The following EXOC4 variants were observed in gnomAD, a reference collection of about 807,000 sequenced individuals.
The protein encoded by EXOC4 is SEC8-like 1.
In EXOC4, 71 loss-of-function variants were observed where a neutral mutation model predicts 107.2. That is an observed-to-expected ratio of 0.66 (90% CI 0.55 to 0.81). The LOEUF (loss-of-function observed/expected upper bound fraction) is 0.81, where lower values mean the gene tolerates loss of function less well. Among genes scored for constraint, EXOC4 ranks in the 30% least tolerant of loss-of-function variants. The pLI, the probability that EXOC4 is intolerant of heterozygous loss-of-function variation, is 0.00. For synonymous variants in EXOC4, 456 were observed against 441.2 expected, an observed-to-expected ratio of 1.03 and a Z score of -0.42; for missense variants, 1,108 against 1,189.6, an observed-to-expected ratio of 0.93 and a Z score of 1.01.
chr7:133,383,697 T>C (rs892466301), intron 7 of EXOC4, among the ~76,000 whole-genome samples: 6 of 152,198 alleles, frequency 3.9e-5, no homozygotes, highest in Admixed American at 3.9e-4. Flanking sequence ...CTGTCGACTT[T>C]GATATTTTGG....
In EXOC4 at chr7:133,374,920, T is replaced by C; in HGVS notation, c.1100T>C (p.Val367Ala). Reference protein sequence around the residue: ...SVVLGYLQDTVVTPLTQQEDI... With the variant: ...SVVLGYLQDTAVTPLTQQEDI... ...GTCCTGGGATACCTGCAGGACACTG[T>C]AGTGACTCCACTGACTCAGCAGGAA... Residue 367 changes from valine (V) to alanine (A), a missense_variant, in exon 7 of 18, where the codon GTA becomes GCA. Coordinates refer to ENST00000253861, the MANE Select transcript of EXOC4 (RefSeq NM_021807.4). 6.2e-7 allele frequency: 1 copy of C among 1,613,986 alleles called. No individual in the cohort carries two copies. The highest frequency in any genetic ancestry group is 8.5e-7 in the Non-Finnish European group (1 of 1,179,882).
At chr7:133,840,681 C>A (rs1798007820) in intron 11 of EXOC4, among the ~76,000 whole-genome samples, 1 of 151,782 alleles carries the variant, frequency 6.6e-6, no homozygotes. Context: ...CGGAGTTTCA[C>A]CATGTTGGAC....
At chr7:133,622,278 T>G (rs1255919956) in intron 9 of EXOC4, among the ~76,000 whole-genome samples, 1 of 152,146 alleles carries the variant, frequency 6.6e-6, no homozygotes, top group Non-Finnish European at 1.5e-5. Flanking sequence ...CCTGGCCGAT[T>G]TTTTTTCTTC....
downstream of EXOC4, among the ~76,000 whole-genome samples, chr7:134,067,188 C>A (rs969255376): frequency 1.3e-5 from 2 of 148,508 alleles, no homozygotes; most frequent in Non-Finnish European, 3.0e-5. Flanking sequence ...CAACGAAATA[C>A]GCCTTACCAG....
At chr7:133,386,289 G>A (rs1584874425) in intron 7 of EXOC4, among the ~76,000 whole-genome samples, 1 of 152,192 alleles carries the variant, frequency 6.6e-6, no homozygotes, top group African/African-American at 2.4e-5. Context: ...TGCTAATTAC[G>A]GCTATTCCAG....
intron 5 of EXOC4, among the ~76,000 whole-genome samples, chr7:133,354,370 G>T (rs905441343): frequency 2.6e-5 from 4 of 152,120 alleles, no homozygotes; most frequent in African/African-American, 7.2e-5. Flanking sequence ...ATCAGCCTGG[G>T]TGTTAATTTA....
chr7:133,564,384 C>T (rs1800866734), intron 9 of EXOC4, among the ~76,000 whole-genome samples: 1 of 152,084 alleles, frequency 6.6e-6, no homozygotes, highest in Admixed American at 6.5e-5. Context: ...AGAAATCCAC[C>T]CCTACGATCC....
At chr7:133,493,949 C>T (rs1351317864) in intron 9 of EXOC4, among the ~76,000 whole-genome samples, 1 of 151,988 alleles carries the variant, frequency 6.6e-6, no homozygotes, top group Non-Finnish European at 1.5e-5. Flanking sequence ...AATTTTACTA[C>T]ACAAATAATT....
chr7:133,948,451 G>T (rs1800605138), intron 14 of EXOC4, among the ~76,000 whole-genome samples: 1 of 152,166 alleles, frequency 6.6e-6, no homozygotes, highest in Admixed American at 6.6e-5. Context: ...TCCATTACTT[G>T]GTGGGATTGA....
At position 133,494,992 on chromosome 7, in the gene EXOC4, C is replaced by T. The variant is rs10264626; in HGVS notation, c.1417+14854C>T. ...TATACATTATATTAAAAAAATTGGGCGTGGCATGGTGGCTCACGCCTGTAA... is the reference window on the plus strand; with the variant it reads ...TATACATTATATTAAAAAAATTGGGTGTGGCATGGTGGCTCACGCCTGTAA... On this transcript the variant is annotated intron_variant, in intron 9 of 17. Coordinates refer to ENST00000253861, the MANE Select transcript of EXOC4 (RefSeq NM_021807.4). Among the ~76,000 whole-genome samples, 147 of 152,098 alleles carry T rather than the reference C, an allele frequency of 9.7e-4. 1 individual carries two copies. Among genetic ancestry groups the T allele is most frequent in the African/African-American group, 3.2e-3 (134 of 41,498 alleles).
chr7:133,465,057 C>G (rs1798695196), intron 7 of EXOC4, among the ~76,000 whole-genome samples: 1 of 151,700 alleles, frequency 6.6e-6, no homozygotes, highest in Admixed American at 6.6e-5. Context: ...TGGCCTCAAG[C>G]AATCCTCCCA....
chr7:133,964,006 C>CTTGTCTTATATATTTTATGAGAATGT (rs796658666), intron 14 of EXOC4, among the ~76,000 whole-genome samples: 130 of 152,214 alleles, frequency 8.5e-4, no homozygotes, highest in African/African-American at 3.1e-3. Context: ...GAAATAGGGA[C>CTTGTCTTATATATTTTATGAGAATGT]TTGTCTTATA....
At chr7:134,084,219 C>T in the EXOC4 span, among the ~76,000 whole-genome samples, 1 of 152,200 alleles carries the variant, frequency 6.6e-6, no homozygotes, top group Non-Finnish European at 1.5e-5. Context: ...ATTCTGAAGG[C>T]AGTTGCTTCT....
intron 11 of EXOC4, among the ~76,000 whole-genome samples, chr7:133,858,755 T>C (rs1459998179): frequency 6.6e-6 from 1 of 152,180 alleles, no homozygotes; most frequent in African/African-American, 2.4e-5. Flanking sequence ...TCCTGTACTT[T>C]TACCCCATGG....
chr7:133,813,750 C>T (rs933273275), intron 10 of EXOC4, among the ~76,000 whole-genome samples: 1 of 152,110 alleles, frequency 6.6e-6, no homozygotes, highest in African/African-American at 2.4e-5. Context: ...AGTTAAGAAG[C>T]CTCAATGCTC....
At chr7:133,550,086 G>A (rs530139294) in intron 9 of EXOC4, among the ~76,000 whole-genome samples, 1 of 152,228 alleles carries the variant, frequency 6.6e-6, no homozygotes, top group South Asian at 2.1e-4. Context: ...TTGAAGCCAT[G>A]CTTTTTGTTA....
intron 11 of EXOC4, among the ~76,000 whole-genome samples, chr7:133,876,279 T>C (rs193067104): frequency 6.6e-6 from 1 of 151,786 alleles, no homozygotes; most frequent in Admixed American, 6.6e-5. Context: ...CAGGGAATCA[T>C]ATTGGGCCCT....
At chr7:133,487,801 T>G (rs1469416693) in intron 9 of EXOC4, among the ~76,000 whole-genome samples, 1 of 152,196 alleles carries the variant, frequency 6.6e-6, no homozygotes, top group Non-Finnish European at 1.5e-5. Flanking sequence ...ACAGGGAAAT[T>G]TAAAAGTTAA....
At chr7:133,594,028 TAAAG>T in intron 9 of EXOC4, among the ~76,000 whole-genome samples, 1 of 152,164 alleles carries the variant, frequency 6.6e-6, no homozygotes, top group Non-Finnish European at 1.5e-5. Context: ...TTGAAGCAAT[TAAAG>T]AGACTATCCT....
Sources: allele counts gnomAD v4.1 joint callset (sites outside exome capture counted in the v4.1 genomes callset), GRCh38; gene constraint gnomAD v4.1.1; transcripts MANE v1.5; gene names NCBI Gene and HGNC (gene_info 2026-07-23, HGNC 2026-07-21).